Variants in CNTN5 observed in about 807,000 individuals in gnomAD.
The protein encoded by CNTN5 is contactin 5, also known as contactin-5.
A neutral mutation model predicts 129.1 loss-of-function variants in CNTN5; 77 were observed. The observed-to-expected ratio is 0.60, with a 90% CI of 0.50 to 0.72. CNTN5 has a LOEUF of 0.72. CNTN5 is among the 30% of genes least tolerant of loss of function. CNTN5 has a pLI of 0.00. For synonymous variants in CNTN5, 509 were observed against 465.6 expected (o/e 1.09, Z -1.20); for missense variants, 1,478 against 1,328.8 (o/e 1.11, Z -1.75).
intron 3 of CNTN5, among the ~76,000 whole-genome samples, chr11:99,758,164 A>T (rs897689099): frequency 2.0e-5 from 3 of 152,194 alleles, no homozygotes; most frequent in Non-Finnish European, 4.4e-5. Flanking sequence ...TTATGCAGAA[A>T]AACACTGTCC....
chr11:99,283,651 G>T (rs1407417328), intron 1 of CNTN5, among the ~76,000 whole-genome samples: 1 of 152,124 alleles, frequency 6.6e-6, no homozygotes, highest in African/African-American at 2.4e-5. Flanking sequence ...TTGCTAGTTT[G>T]TAACGAGCAC....
rs181437715 is a variant in CNTN5 at position 100,348,983 on chromosome 11, A to G, written c.3031-1719A>G. 1.1e-3 allele frequency among the ~76,000 whole-genome samples: 164 copies of G among 152,082 alleles called. 1 individual carries two copies. Among genetic ancestry groups the G allele is most frequent in the South Asian group, 4.3e-3 (21 of 4,828 alleles). On this transcript the variant is annotated intron_variant, in intron 23 of 24. Transcript: ENST00000524871. Reference sequence around the variant, plus strand: ...TAGTACTATGCCTGGCCTGCATGAGATGTCCAATAAATGTTTGATAATGCT... The same window carrying G: ...TAGTACTATGCCTGGCCTGCATGAGGTGTCCAATAAATGTTTGATAATGCT...
At chr11:99,708,603 C>T (rs1954848131) in intron 3 of CNTN5, among the ~76,000 whole-genome samples, 1 of 151,698 alleles carries the variant, frequency 6.6e-6, no homozygotes, top group South Asian at 2.1e-4. Flanking sequence ...TAAGCATTGC[C>T]AAGCAGTCAA....
intron 3 of CNTN5, among the ~76,000 whole-genome samples, chr11:99,810,586 A>G (rs1946399767): frequency 6.6e-6 from 1 of 152,130 alleles, no homozygotes; most frequent in South Asian, 2.1e-4. Flanking sequence ...GGCTATTTCA[A>G]ACTCTCATAT....
At chr11:99,353,983 T>G (rs757310961) in intron 2 of CNTN5, among the ~76,000 whole-genome samples, 3 of 152,204 alleles carry the variant, frequency 2.0e-5, no homozygotes, top group Non-Finnish European at 4.4e-5. Flanking sequence ...CAGATTGGCA[T>G]GATGATATTT....
At chr11:99,961,830 C>G (rs1296807400) in intron 8 of CNTN5, among the ~76,000 whole-genome samples, 1 of 152,128 alleles carries the variant, frequency 6.6e-6, no homozygotes, top group Admixed American at 6.5e-5. Flanking sequence ...CCTGTCCTCA[C>G]ACCAAAGCAG....
At chr11:99,472,703 C>T (rs768914808) in intron 2 of CNTN5, among the ~76,000 whole-genome samples, 3 of 152,018 alleles carry the variant, frequency 2.0e-5, no homozygotes, top group Non-Finnish European at 4.4e-5. Flanking sequence ...GAGTCTCACT[C>T]GGTTGCCCAG....
At chr11:100,211,517 G>A (rs1022937065) in intron 15 of CNTN5, among the ~76,000 whole-genome samples, 1 of 151,642 alleles carries the variant, frequency 6.6e-6, no homozygotes, top group African/African-American at 2.4e-5. Flanking sequence ...TCTTGGGAAA[G>A]ACCATAAATC....
At chr11:99,087,372 T>A (rs1866045776) in intron 1 of CNTN5, among the ~76,000 whole-genome samples, 2 of 152,208 alleles carry the variant, frequency 1.3e-5, no homozygotes, top group Non-Finnish European at 2.9e-5. Context: ...TTTATATGGT[T>A]CTTCCTTGGG....
chr11:99,407,096 T>C (rs1450978110), intron 2 of CNTN5, among the ~76,000 whole-genome samples: 6 of 152,168 alleles, frequency 3.9e-5, no homozygotes, highest in African/African-American at 1.4e-4. Flanking sequence ...TTTACTTTTT[T>C]CCCTCTGATT....
At chr11:100,107,933 A>G (rs1318633428) in intron 13 of CNTN5, among the ~76,000 whole-genome samples, 1 of 151,966 alleles carries the variant, frequency 6.6e-6, no homozygotes, top group African/African-American at 2.4e-5. Flanking sequence ...TTTATTTTAG[A>G]TGAAACCTAG....
chr11:99,753,935 G>A (rs1254733605), intron 3 of CNTN5, among the ~76,000 whole-genome samples: 1 of 148,124 alleles, frequency 6.8e-6, no homozygotes, highest in Non-Finnish European at 1.5e-5. Flanking sequence ...TGATCTGCCC[G>A]CCTCAGCCCC....
At chr11:99,972,083 A>AT (rs1951275069) in intron 8 of CNTN5, among the ~76,000 whole-genome samples, 2 of 68,570 alleles carry the variant, frequency 2.9e-5, no homozygotes, top group African/African-American at 6.6e-5. Flanking sequence ...ACTTATCTCT[A>AT]TTAAAAAAAA....
intron 3 of CNTN5, among the ~76,000 whole-genome samples, chr11:99,782,627 G>GCATGGTACTGGTACCAA (rs1945353286): frequency 6.6e-6 from 1 of 151,882 alleles, no homozygotes; most frequent in African/African-American, 2.4e-5. Flanking sequence ...TACCAAAACA[G>GCATGGTACTGGTACCAA]AGATATAGAT....
At chr11:99,446,441 A>G (rs139723209) in intron 2 of CNTN5, among the ~76,000 whole-genome samples, 1 of 152,248 alleles carries the variant, frequency 6.6e-6, no homozygotes, top group East Asian at 1.9e-4. Context: ...AGTTTTAATA[A>G]ATTTACCACT....
At chr11:99,979,741 C>A (rs1938216495) in intron 8 of CNTN5, among the ~76,000 whole-genome samples, 1 of 152,114 alleles carries the variant, frequency 6.6e-6, no homozygotes, top group Non-Finnish European at 1.5e-5. Context: ...GCAACCCAAC[C>A]ACTATTTACA....
chr11:99,999,532 A>C (rs1306076980), intron 8 of CNTN5, among the ~76,000 whole-genome samples: 1 of 152,228 alleles, frequency 6.6e-6, no homozygotes, highest in East Asian at 1.9e-4. Context: ...GATGTGGAGA[A>C]ACAGGAACAC....
At chr11:99,245,785 T>A (rs1306861952) in intron 1 of CNTN5, among the ~76,000 whole-genome samples, 2 of 152,148 alleles carry the variant, frequency 1.3e-5, no homozygotes, top group African/African-American at 4.8e-5. Flanking sequence ...GCCAGATAAA[T>A]CTTTGTTGTA....
chr11:99,971,937 A>C (rs2137308049), intron 8 of CNTN5, among the ~76,000 whole-genome samples: 1 of 151,082 alleles, frequency 6.6e-6, no homozygotes, highest in South Asian at 2.1e-4. Context: ...AGGATAATTG[A>C]CAATGCTTAA....
Sources: allele counts gnomAD v4.1 joint callset (sites outside exome capture counted in the v4.1 genomes callset), GRCh38; gene constraint gnomAD v4.1.1; transcripts MANE v1.5; gene names NCBI Gene and HGNC (gene_info 2026-07-23, HGNC 2026-07-21).